The following PCDHA11 variants were observed in gnomAD, a reference collection of about 807,000 sequenced individuals.
PCDHA11 encodes protocadherin alpha 11.
A neutral mutation model predicts 70.3 loss-of-function variants in PCDHA11; 61 were observed. The observed-to-expected ratio is 0.87, with a 90% CI of 0.71 to 1.07. The LOEUF is 1.07. Ranked by LOEUF, PCDHA11 falls within the 50% of genes least tolerant of loss-of-function variation. The probability of loss-of-function intolerance (pLI) is 0.00; values close to 1 mark genes in which losing one functional copy is unlikely to be tolerated. For missense variants in PCDHA11, 1,324 were observed against 1,237.5 expected, an observed-to-expected ratio of 1.07 and a Z score of -1.05; for synonymous variants, 633 against 555.1, an observed-to-expected ratio of 1.14 and a Z score of -1.97.
intron 1 of PCDHA11, among the ~76,000 whole-genome samples, chr5:140,890,883 G>T (rs1339331273): frequency 1.3e-5 from 2 of 152,064 alleles, no homozygotes; most frequent in Non-Finnish European, 2.9e-5. Flanking sequence ...CCTTTCATCA[G>T]GGATTATTGT....
chr5:140,890,737 T>C (rs926717911), intron 1 of PCDHA11, among the ~76,000 whole-genome samples: 1 of 152,240 alleles, frequency 6.6e-6, no homozygotes. Flanking sequence ...TTGACTTATA[T>C]ACTATTTCTG....
chr5:140,884,734 C>A (rs1198575388), intron 1 of PCDHA11: 5 of 1,445,332 alleles, frequency 3.5e-6, no homozygotes, highest in Non-Finnish European at 4.6e-6. Flanking sequence ...TTTAAGACAT[C>A]TTTCCTGCCA....
intron 1 of PCDHA11, among the ~76,000 whole-genome samples, chr5:140,879,372 G>T (rs1434937494): frequency 1.3e-5 from 2 of 152,172 alleles, no homozygotes; most frequent in African/African-American, 4.8e-5. Context: ...CCAACCTGCA[G>T]AACAAGGTTG....
chr5:141,007,722 A>G (rs559470783), intron 3 of PCDHA11, among the ~76,000 whole-genome samples: 30 of 152,290 alleles, frequency 2.0e-4, no homozygotes, highest in African/African-American at 6.5e-4. Flanking sequence ...ACCAGGGAGA[A>G]CAAAGGTTAA....
At chr5:140,872,023 C>G (rs1554166000) in intron 1 of PCDHA11, among the ~76,000 whole-genome samples, 1 of 152,226 alleles carries the variant, frequency 6.6e-6, no homozygotes, top group African/African-American at 2.4e-5. Flanking sequence ...TAGCCTGGAA[C>G]TGCTAAGCTC....
chr5:140,870,552 G>C lies in PCDHA11; in HGVS notation c.1449G>C (p.Ala483=). The change falls in exon 1 of 4, where the codon GCG becomes GCC. Residue 483 remains alanine, a synonymous_variant. Coordinates refer to ENST00000398640, the MANE Select transcript of PCDHA11 (RefSeq NM_018902.5). The part of the protein sequence containing the change: ...IFTVSARDAD[A]QENALVSYSL... Reference sequence around the variant, plus strand: ...CAGTGTCGGCGCGGGACGCGGACGCGCAGGAGAACGCGCTGGTGTCCTACT... The same window carrying C: ...CAGTGTCGGCGCGGGACGCGGACGCCCAGGAGAACGCGCTGGTGTCCTACT... The C allele has an allele frequency of 6.2e-7, 1 of 1,614,042 alleles. No homozygotes were observed. Among genetic ancestry groups the C allele is most frequent in the Non-Finnish European group, 8.5e-7 (1 of 1,180,004 alleles).
intron 1 of PCDHA11, among the ~76,000 whole-genome samples, chr5:140,949,796 C>G (rs1471707326): frequency 6.6e-6 from 1 of 151,864 alleles, no homozygotes; most frequent in Non-Finnish European, 1.5e-5. Context: ...TTGTGTCCTT[C>G]AATACATTAT....
chr5:140,891,592 T>G (rs1162338197), intron 1 of PCDHA11, among the ~76,000 whole-genome samples: 1 of 152,216 alleles, frequency 6.6e-6, no homozygotes, highest in East Asian at 1.9e-4. Context: ...TATTACTCTA[T>G]CCCATCTATT....
intron 1 of PCDHA11, chr5:140,875,939 G>A (rs2055971750): frequency 6.2e-7 from 1 of 1,614,158 alleles, no homozygotes; most frequent in Non-Finnish European, 8.5e-7. Flanking sequence ...CCTCTAGAGG[G>A]CGCTTCTGAT....
intron 1 of PCDHA11, among the ~76,000 whole-genome samples, chr5:140,888,737 A>T (rs1468383652): frequency 6.6e-6 from 1 of 152,036 alleles, no homozygotes; most frequent in Non-Finnish European, 1.5e-5. Context: ...TGTGAGCTCT[A>T]GGAATTATTC....
At position 140,899,912 on chromosome 5, in the gene PCDHA11, A is replaced by G. The variant is rs574794282; in HGVS notation, c.2391+28418A>G. The stretch of plus-strand genomic sequence containing the variant: ...AGCCTTGACATCCTGGGCTCAAGCA[A>G]TCCTCCTGCCTCAGCCTCCTGAATA... On this transcript the variant is annotated intron_variant, in intron 1 of 3. Transcript: ENST00000398640. Among the ~76,000 whole-genome samples the G allele has an allele frequency of 2.0e-5, 3 of 152,154 alleles. No homozygotes were observed. In the East Asian group the frequency reaches 5.8e-4, roughly 29 times the overall value.
intron 1 of PCDHA11, among the ~76,000 whole-genome samples, chr5:140,937,400 T>A (rs1210509586): frequency 6.6e-6 from 1 of 152,224 alleles, no homozygotes; most frequent in Non-Finnish European, 1.5e-5. Flanking sequence ...ATAGGGGTAT[T>A]GCACAACTTT....
chr5:140,967,332 C>G, intron 1 of PCDHA11: 2 of 1,608,024 alleles, frequency 1.2e-6, no homozygotes, highest in Non-Finnish European at 1.7e-6. Context: ...GAGCTCAGCC[C>G]CAGCGAGCAC....
chr5:140,954,537 T>C (rs2095052425), intron 1 of PCDHA11, among the ~76,000 whole-genome samples: 1 of 152,268 alleles, frequency 6.6e-6, no homozygotes, highest in Non-Finnish European at 1.5e-5. Flanking sequence ...TTGAGGTTTT[T>C]TTCATATGTT....
At chr5:140,898,471 C>G (rs1421437999) in intron 1 of PCDHA11, among the ~76,000 whole-genome samples, 1 of 152,108 alleles carries the variant, frequency 6.6e-6, no homozygotes, top group African/African-American at 2.4e-5. Flanking sequence ...GCTTGTTTTT[C>G]TCAGGTTTGT....
chr5:140,887,247 C>T (rs1302931456), intron 1 of PCDHA11, among the ~76,000 whole-genome samples: 1 of 152,016 alleles, frequency 6.6e-6, no homozygotes, highest in Non-Finnish European at 1.5e-5. Context: ...CCGGCGCCCG[C>T]CACCACGCCC....
At chr5:140,995,557 A>G (rs1032736761) in intron 3 of PCDHA11, among the ~76,000 whole-genome samples, 2 of 152,252 alleles carry the variant, frequency 1.3e-5, no homozygotes, top group African/African-American at 2.4e-5. Flanking sequence ...ACTGTACTGA[A>G]TAATATGTCA....
intron 1 of PCDHA11, among the ~76,000 whole-genome samples, chr5:140,892,332 T>A (rs552266223): frequency 6.6e-6 from 1 of 152,274 alleles, no homozygotes; most frequent in African/African-American, 2.4e-5. Context: ...TTCTCCAGAA[T>A]GGATTTTAAT....
rs1443126988 is a variant in PCDHA11 at position 140,960,088 on chromosome 5, A to G, written c.2392-18861A>G. Among the ~76,000 whole-genome samples, 6 of 152,248 alleles carry G rather than the reference A, an allele frequency of 3.9e-5. No homozygotes were observed. The East Asian group carries it at 5.8e-4, about 15-fold the overall frequency. ...TTCAATTGAAGTTTCTAAAAGAGAA[A>G]GAAACTTGTAGTTGTGGGAACAATA... On this transcript the variant is annotated intron_variant, in intron 1 of 3. Coordinates refer to ENST00000398640, the MANE Select transcript of PCDHA11 (RefSeq NM_018902.5).
Sources: allele counts gnomAD v4.1 joint callset (sites outside exome capture counted in the v4.1 genomes callset), GRCh38; gene constraint gnomAD v4.1.1; transcripts MANE v1.5; gene names NCBI Gene and HGNC (gene_info 2026-07-23, HGNC 2026-07-21).